SMYD3: variants seen among roughly 807,000 people sequenced by gnomAD.
SMYD3 encodes histone-lysine N-methyltransferase SMYD3.
Under a neutral mutation model 57.7 loss-of-function variants are expected in SMYD3, and 36 were observed. The observed-to-expected ratio is 0.62, with a 90% CI of 0.48 to 0.82. SMYD3 has a LOEUF of 0.82. Ranked by LOEUF, SMYD3 falls within the 40% of genes least tolerant of loss-of-function variation. SMYD3 has a pLI of 0.00. For missense variants in SMYD3, 515 were observed against 538.8 expected (o/e 0.96, Z 0.44); for synonymous variants, 211 against 195.0 (o/e 1.08, Z -0.68).
At chr1:245,987,711 T>C (rs1450061117) in intron 5 of SMYD3, among the ~76,000 whole-genome samples, 1 of 152,234 alleles carries the variant, frequency 6.6e-6, no homozygotes, top group African/African-American at 2.4e-5. Flanking sequence ...AGACGGAATC[T>C]GAACTCAGTC....
intron 1 of SMYD3, among the ~76,000 whole-genome samples, chr1:246,487,841 T>C (rs972403957): frequency 1.1e-4 from 16 of 152,058 alleles, no homozygotes; most frequent in Non-Finnish European, 1.9e-4. Context: ...ATTACAGGCA[T>C]GCACCACCAA....
At chr1:245,838,912 C>T (rs1290903888) in intron 10 of SMYD3, among the ~76,000 whole-genome samples, 1 of 152,194 alleles carries the variant, frequency 6.6e-6, no homozygotes, top group East Asian at 1.9e-4. Flanking sequence ...GTTGCATTAT[C>T]ATCTATGGGA....
intron 5 of SMYD3, among the ~76,000 whole-genome samples, chr1:245,944,939 GA>G (rs1288341442): frequency 6.6e-6 from 1 of 152,112 alleles, no homozygotes; most frequent in Non-Finnish European, 1.5e-5. Context: ...GCCATATGCA[GA>G]AAACTGAAAC....
Position 245,903,565 on chromosome 1 carries a change from C to T in SMYD3, c.813+11965G>A, listed in dbSNP as rs185565567. ...AGTACTGGCTTTTAACTTCCTATTG[C>T]GAAAAGGGGCACTGAAGACATAGAA... is the stretch of plus-strand genomic sequence containing the variant. On this transcript the variant is annotated intron_variant, in intron 8 of 11. Transcript: ENST00000490107. Among the ~76,000 whole-genome samples the T allele has an allele frequency of 7.3e-4, 111 of 152,270 alleles. 2 individuals are homozygous for T. The highest frequency in any genetic ancestry group is 2.1e-4 in the South Asian group (1 of 4,822).
At chr1:246,473,087 C>T (rs2067982143) in intron 1 of SMYD3, among the ~76,000 whole-genome samples, 2 of 152,054 alleles carry the variant, frequency 1.3e-5, no homozygotes, top group Admixed American at 1.3e-4. Context: ...GAACTCCTGA[C>T]CTCAGGTGAT....
intron 5 of SMYD3, among the ~76,000 whole-genome samples, chr1:246,248,773 C>G (rs1236881064): frequency 1.3e-5 from 2 of 148,528 alleles, no homozygotes; most frequent in East Asian, 2.0e-4. Flanking sequence ...TCCCGAGTAG[C>G]TGGGACCACA....
chr1:246,437,462 T>G (rs1197574905), intron 1 of SMYD3, among the ~76,000 whole-genome samples: 1 of 152,186 alleles, frequency 6.6e-6, no homozygotes, highest in African/African-American at 2.4e-5. Context: ...TACATCTGTC[T>G]CTTCTTAGAC....
At chr1:246,300,020 T>A (rs1178776509) in intron 5 of SMYD3, among the ~76,000 whole-genome samples, 6 of 143,740 alleles carry the variant, frequency 4.2e-5, no homozygotes, top group East Asian at 2.0e-4. Flanking sequence ...AATTAAAGTT[T>A]AAAAAAAAAA....
intron 7 of SMYD3, among the ~76,000 whole-genome samples, chr1:245,926,412 T>C (rs1004129650): frequency 1.1e-4 from 17 of 152,336 alleles, no homozygotes; most frequent in Admixed American, 5.2e-4. Flanking sequence ...GAAGGACTTG[T>C]GGGGAGAACC....
intron 5 of SMYD3, among the ~76,000 whole-genome samples, chr1:246,021,805 T>C (rs2059475007): frequency 6.6e-6 from 1 of 152,114 alleles, no homozygotes. Context: ...CCCATTCAAA[T>C]GGAAAATGGA....
chr1:246,355,527 G>A lies in SMYD3; in HGVS notation c.165-433C>T, dbSNP rs1448775366. On this transcript the variant is annotated intron_variant, in intron 1 of 11. Coordinates refer to ENST00000490107, the MANE Select transcript of SMYD3 (RefSeq NM_001167740.2). The surrounding 1 kb of genome is among the most constrained non-coding windows in gnomAD (Gnocchi z 5.0). ...GTGAGCTGCCTGCTTGCTCAGCAGG[G>A]AGGCTGGCGGTCTGGGGCAAGTTCT... 6.6e-6 allele frequency among the ~76,000 whole-genome samples: 1 copy of A among 152,170 alleles called. No homozygotes were observed. Among genetic ancestry groups the A allele is most frequent in the Non-Finnish European group, 1.5e-5 (1 of 68,036 alleles).
At chr1:245,881,886 C>T (rs1028511695) in intron 8 of SMYD3, among the ~76,000 whole-genome samples, 15 of 152,214 alleles carry the variant, frequency 9.9e-5, no homozygotes, top group African/African-American at 3.4e-4. Context: ...AAGCCAAGTG[C>T]AAAGGCCCCA....
At chr1:246,247,509 T>TATAC (rs2063728524) in intron 5 of SMYD3, among the ~76,000 whole-genome samples, 1 of 145,064 alleles carries the variant, frequency 6.9e-6, no homozygotes, top group South Asian at 2.3e-4. Context: ...GACTCATATA[T>TATAC]ATATATATAC....
intron 5 of SMYD3, among the ~76,000 whole-genome samples, chr1:246,114,831 C>T (rs751209586): frequency 1.8e-4 from 27 of 152,174 alleles, no homozygotes; most frequent in Admixed American, 5.9e-4. Flanking sequence ...GGGGTTTCAC[C>T]ATGTTGGCCA....
intron 5 of SMYD3, among the ~76,000 whole-genome samples, chr1:246,147,773 G>A (rs775804994): frequency 7.2e-5 from 11 of 152,068 alleles, no homozygotes; most frequent in Non-Finnish European, 1.6e-4. Context: ...TGCAGACCTG[G>A]GCTTCGCGCT....
chr1:245,769,463 G>A (rs1198766696), intron 10 of SMYD3, among the ~76,000 whole-genome samples: 1 of 152,170 alleles, frequency 6.6e-6, no homozygotes, highest in African/African-American at 2.4e-5. Flanking sequence ...TCTGGGGTAC[G>A]GGAAATTCTA....
At chr1:246,094,633 T>C (rs1015689167) in intron 5 of SMYD3, among the ~76,000 whole-genome samples, 1 of 152,186 alleles carries the variant, frequency 6.6e-6, no homozygotes, top group African/African-American at 2.4e-5. Context: ...TGCCGTTCAA[T>C]GCCCAGGCAG....
intron 5 of SMYD3, among the ~76,000 whole-genome samples, chr1:246,112,440 T>G (rs955768317): frequency 1.3e-5 from 2 of 152,240 alleles, no homozygotes; most frequent in African/African-American, 4.8e-5. Context: ...TTGGATTACT[T>G]TATTTGCTTT....
chr1:246,483,166 G>T (rs1229396068), intron 1 of SMYD3, among the ~76,000 whole-genome samples: 2 of 152,160 alleles, frequency 1.3e-5, no homozygotes, highest in African/African-American at 4.8e-5. Context: ...CAAGTTAAAG[G>T]TAAAGGATGA....
Sources: allele counts gnomAD v4.1 joint callset (sites outside exome capture counted in the v4.1 genomes callset), GRCh38; gene constraint gnomAD v4.1.1; non-coding constraint Gnocchi (gnomAD v3.1); transcripts MANE v1.5; gene names NCBI Gene and HGNC (gene_info 2026-07-23, HGNC 2026-07-21).